The following PSMD5 variants were observed in gnomAD, a reference collection of about 807,000 sequenced individuals.
PSMD5 encodes the protein 26S proteasome non-ATPase regulatory subunit 5.
In PSMD5, 40 loss-of-function variants were observed where a neutral mutation model predicts 52.1. That is an observed-to-expected ratio of 0.77 (90% CI 0.60 to 1.00). The LOEUF is 1.00. Ranked by LOEUF, PSMD5 falls within the 50% of genes least tolerant of loss-of-function variation. The pLI is 0.00. For synonymous variants in PSMD5, 211 were observed against 226.6 expected (o/e 0.93, Z 0.62); for missense variants, 575 against 605.2 (o/e 0.95, Z 0.52).
In PSMD5 at chr9:120,824,676, T is replaced by G. The variant is rs758356338; in HGVS notation, c.824A>C (p.Lys275Thr). The change falls in exon 7 of 10, where the codon AAG becomes ACG. Residue 275 changes from lysine to threonine, a missense_variant. Physicochemically the swap from Lys to Thr is moderately conservative, Grantham distance 78. Coordinates refer to ENST00000210313, the MANE Select transcript of PSMD5 (RefSeq NM_005047.4). ...CATGACAGCCAGGTTTCCAAAAAAC[T>G]TCACGAATCCTAAAGAGATTTACAA... ...FSSFYLPGFV[K>T]FFGNLAVMDS... 6.3e-7 allele frequency: 1 copy of G among 1,597,296 alleles called. No homozygotes were observed. Among genetic ancestry groups the G allele is most frequent in the Admixed American group, 1.8e-5 (1 of 55,430 alleles).
At chr9:120,828,870 CAG>C (rs1401272204) in intron 5 of PSMD5, among the ~76,000 whole-genome samples, 1 of 152,196 alleles carries the variant, frequency 6.6e-6, no homozygotes, top group African/African-American at 2.4e-5. Flanking sequence ...GGACATGGAA[CAG>C]AGTCACTTGA....
At position 120,821,346 on chromosome 9, in the gene PSMD5, C is replaced by A; in HGVS notation, c.1116+9G>T. 2 of 1,484,848 alleles carry A rather than the reference C, an allele frequency of 1.3e-6. No homozygotes were observed. Among genetic ancestry groups the A allele is most frequent in the South Asian group, 1.2e-5 (1 of 81,770 alleles). 92.0% of individuals were successfully genotyped at this position (1,484,848 alleles called of 1,614,324 possible). ...CCCACTGTCCTTCATTATTTCCCTA[C>A]CTACTTACTGGTAAGTACAGAAGAG... On this transcript the variant is annotated intron_variant, in intron 8 of 9. Coordinates refer to ENST00000210313, the MANE Select transcript of PSMD5 (RefSeq NM_005047.4).
intron 2 of PSMD5, 94 bp downstream of exon 2, chr9:120,833,218 G>A: frequency 7.2e-7 from 1 of 1,380,216 alleles, no homozygotes; most frequent in Non-Finnish European, 1.0e-6. Flanking sequence ...GGGAAGGAGA[G>A]AGAGAAATAC....
chr9:120,828,153 C>G (rs192573580), intron 5 of PSMD5, among the ~76,000 whole-genome samples: 7 of 152,118 alleles, frequency 4.6e-5, no homozygotes, highest in African/African-American at 1.7e-4. Flanking sequence ...CCCACCACCA[C>G]GCCCAGCTAA....
chr9:120,834,104 C>T lies in PSMD5; in HGVS notation c.174-648G>A, dbSNP rs542574242. The stretch of plus-strand genomic sequence containing the variant: ...AAACAATTCCCCTGCCTCAGCCTCC[C>T]GAGTAGCTGGGACTACAGGTGCATG... On this transcript the variant is annotated intron_variant, in intron 1 of 9. Transcript: ENST00000210313. 1.6e-4 allele frequency among the ~76,000 whole-genome samples: 25 copies of T among 151,860 alleles called. No individual in the cohort carries two copies. In the East Asian group the frequency reaches 4.4e-3, roughly 27 times the overall value.
intron 7 of PSMD5, 94 bp from the exon 8 acceptor site, chr9:120,821,558 T>G: frequency 5.0e-6 from 4 of 798,342 alleles, no homozygotes; most frequent in Non-Finnish European, 5.7e-6. Context: ...TATAGTTCAG[T>G]GCTATTAAGT....
chr9:120,834,895 T>C (rs2045188157), intron 1 of PSMD5, among the ~76,000 whole-genome samples: 1 of 152,244 alleles, frequency 6.6e-6, no homozygotes, highest in South Asian at 2.1e-4. Flanking sequence ...GGAAGAACTA[T>C]GTAAGAGAAA....
chr9:120,841,960 C>T (rs1435892955), intron 1 of PSMD5: 1 of 152,208 alleles, frequency 6.6e-6, no homozygotes, highest in East Asian at 1.9e-4. Flanking sequence ...TTGCCCAAAA[C>T]ACTGGAAGAA....
At chr9:120,822,878 C>T (rs1242187084) in intron 7 of PSMD5, among the ~76,000 whole-genome samples, 2 of 151,890 alleles carry the variant, frequency 1.3e-5, no homozygotes, top group Admixed American at 1.3e-4. Flanking sequence ...ACCTAGGCTG[C>T]AGTGCAACTG....
intron 1 of PSMD5, among the ~76,000 whole-genome samples, chr9:120,837,679 A>G (rs2045207616): frequency 6.6e-6 from 1 of 152,250 alleles, no homozygotes; most frequent in Admixed American, 6.5e-5. Context: ...ACCACTTTGG[A>G]AAACAGTTTG....
intron 9 of PSMD5, 49 bp downstream of exon 9, chr9:120,820,790 G>T: frequency 6.6e-7 from 1 of 1,507,860 alleles, no homozygotes; most frequent in Non-Finnish European, 8.8e-7. Flanking sequence ...AAGTACTCAA[G>T]TGTTGAGCTG....
In PSMD5 at chr9:120,826,879, G is replaced by T. The variant is rs114200337; in HGVS notation, c.700C>A (p.Leu234Met). ...TGTCGCCCATGATGAGTATATGCCA[G>T]TGATGTCACCATTTCTATACAGGTG... ...RATCIEMVTS[L>M]AYTHHGRQYL... is the part of the protein sequence containing the mutation. The change falls in exon 6 of 10, where the codon CTG becomes ATG. Residue 234 changes from leucine (L) to methionine (M), a missense_variant. Leu to Met is a conservative substitution (Grantham distance 15). Transcript: ENST00000210313. The T allele has an allele frequency of 3.7e-6, 6 of 1,611,626 alleles. No individual in the cohort carries two copies. The highest frequency in any genetic ancestry group is 5.1e-6 in the Non-Finnish European group (6 of 1,178,768).
intron 9 of PSMD5, 64 bp from the exon 10 acceptor site, chr9:120,818,227 A>G (rs2045059150): frequency 1.4e-6 from 2 of 1,467,552 alleles, no homozygotes; most frequent in Non-Finnish European, 1.8e-6. Flanking sequence ...ATGGGATGGC[A>G]CAATATTTAC....
chr9:120,840,038 G>C (rs1425749199), intron 1 of PSMD5, among the ~76,000 whole-genome samples: 5 of 145,630 alleles, frequency 3.4e-5, no homozygotes. Context: ...TGAGGCAGGA[G>C]AATTGCTTCA....
chr9:120,826,836 CCTT>C lies in PSMD5; in HGVS notation c.740_742del (p.Glu247del), dbSNP rs2045125767. 1.2e-6 allele frequency: 2 copies of C among 1,613,048 alleles called. No individual in the cohort carries two copies. The highest frequency in any genetic ancestry group is 1.1e-5 in the South Asian group (1 of 91,066). On this transcript the variant is annotated inframe_deletion, in exon 6 of 10. Coordinates refer to ENST00000210313, the MANE Select transcript of PSMD5 (RefSeq NM_005047.4). ...TATATTAGAAATTTGGTCAATTACTCCTTCTTGAGCAAGATATTGTCGCCCATG... is the reference window on the plus strand; with the variant it reads ...TATATTAGAAATTTGGTCAATTACTCCTTGAGCAAGATATTGTCGCCCATG...
chr9:120,833,465 G>A lies in PSMD5; in HGVS notation c.174-9C>T, dbSNP rs2045175560. The A allele has an allele frequency of 1.2e-6, 2 of 1,611,452 alleles. No individual in the cohort carries two copies. The highest frequency in any genetic ancestry group is 1.3e-5 in the African/African-American group (1 of 74,834). ...ACAAAGTAGTCTTTTCCCTGAAGGA[G>A]ACATCATAAATCTTATTAGTTCATA... On this transcript the variant is annotated splice_polypyrimidine_tract_variant and intron_variant, in intron 1 of 9. Transcript: ENST00000210313.
Position 120,817,730 on chromosome 9 carries a change from A to G in PSMD5, c.*176T>C. On this transcript the variant is annotated 3_prime_UTR_variant, in exon 10 of 10. Coordinates refer to ENST00000210313, the MANE Select transcript of PSMD5 (RefSeq NM_005047.4). ...TGCTCTTAATGCATTCCAAACTCCTAGTTCCACTTTGCATTTCAATGTAGA... is the reference window on the plus strand; with the variant it reads ...TGCTCTTAATGCATTCCAAACTCCTGGTTCCACTTTGCATTTCAATGTAGA... The G allele has an allele frequency of 1.4e-6, 1 of 723,880 alleles. No individual in the cohort carries two copies. The highest frequency in any genetic ancestry group is 2.7e-5 in the East Asian group (1 of 37,342). The allele number at this position is 723,880 out of a possible 1,614,324, so 44.8% of individuals were successfully genotyped here. A position where few individuals can be genotyped will look rare whatever the true frequency, so the allele number is the denominator to read the frequency against.
At position 120,829,180 on chromosome 9, in the gene PSMD5, G is replaced by A; in HGVS notation, c.590C>T (p.Pro197Leu). 1 of 1,599,552 alleles carries A rather than the reference G, an allele frequency of 6.3e-7. No homozygotes were observed. The highest frequency in any genetic ancestry group is 8.5e-7 in the Non-Finnish European group (1 of 1,173,878). ...TGTGGTACAGTAGTTTAAAGATTCT[G>A]GTGACACGGAAGAAATCTCTATAAT... is the stretch of plus-strand genomic sequence containing the variant. ...ELIIEISSVS[P>L]ESLNYCTTSG... The change falls in exon 5 of 10, where the codon CCA (proline) becomes CTA (leucine). Residue 197 changes from proline (P) to leucine (L), a missense_variant. By Grantham distance (98) the Pro-to-Leu change is moderately conservative. Coordinates refer to ENST00000210313, the MANE Select transcript of PSMD5 (RefSeq NM_005047.4).
Position 120,838,848 on chromosome 9 carries a change from G to A in PSMD5, c.173+3889C>T, listed in dbSNP as rs139182822. On this transcript the variant is annotated intron_variant, in intron 1 of 9. Transcript: ENST00000210313. ...CTGTGAGTCTCAAATTTAATTGGGC[G>A]TATACTGCATTATGTGCTGGGCCCT... Among the ~76,000 whole-genome samples, 13 of 152,298 alleles carry A rather than the reference G, an allele frequency of 8.5e-5. No individual in the cohort carries two copies. The East Asian group carries it at 9.6e-4, about 11-fold the overall frequency.
Sources: gnomAD v4.1 joint callset for allele counts (sites outside exome capture counted in the v4.1 genomes callset) on GRCh38, gnomAD v4.1.1 for gene constraint, MANE v1.5 for transcripts, NCBI Gene and HGNC (gene_info 2026-07-23, HGNC 2026-07-21) for gene names.